MPP7: variants seen among roughly 807,000 people sequenced by gnomAD.
MPP7 encodes the protein MAGUK p55 scaffold protein 7.
A neutral mutation model predicts 76.5 loss-of-function variants in MPP7; 60 were observed. The ratio of observed to expected loss-of-function variants is 0.78; its 90% CI spans 0.64 to 0.97. The LOEUF (loss-of-function observed/expected upper bound fraction) is 0.97, where lower values mean the gene tolerates loss of function less well. Ranked by LOEUF, MPP7 falls within the 50% of genes least tolerant of loss-of-function variation. The pLI is 0.00. For synonymous variants in MPP7, 237 were observed against 244.5 expected, an observed-to-expected ratio of 0.97 and a Z score of 0.29; for missense variants, 641 against 694.0, an observed-to-expected ratio of 0.92 and a Z score of 0.86.
chr10:28,275,322 C>T (rs1004423095), intron 1 of MPP7, among the ~76,000 whole-genome samples: 4 of 152,104 alleles, frequency 2.6e-5, no homozygotes, highest in African/African-American at 7.2e-5. Context: ...ATGCCCAAGG[C>T]AGAAATCTTA....
At chr10:28,286,197 T>A (rs1260028223) in intron 1 of MPP7, among the ~76,000 whole-genome samples, 1 of 151,744 alleles carries the variant, frequency 6.6e-6, no homozygotes, top group Non-Finnish European at 1.5e-5. Flanking sequence ...ACAGAAAAAA[T>A]TAGCCAGGCA....
chr10:28,087,394 T>G (rs1331331717), intron 12 of MPP7, among the ~76,000 whole-genome samples: 1 of 152,130 alleles, frequency 6.6e-6, no homozygotes, highest in Non-Finnish European at 1.5e-5. Flanking sequence ...TGCCTTTTTT[T>G]TTCTTTCTTT....
At position 28,157,280 on chromosome 10, in the gene MPP7, C is replaced by G. The variant is rs1277685441; in HGVS notation, c.157-7221G>C. ...CGTCAGAGTCACTTCAAAGACGATA[C>G]AGGGCTAGCTATCACTGTTGTCAGC... is the stretch of plus-strand genomic sequence containing the variant. On this transcript the variant is annotated intron_variant, in intron 3 of 16. Transcript: ENST00000683449. Among the ~76,000 whole-genome samples the G allele has an allele frequency of 1.3e-5, 2 of 152,070 alleles. 1 individual carries two copies.
chr10:28,149,345 G>T (rs1238235947), intron 4 of MPP7, among the ~76,000 whole-genome samples: 1 of 152,096 alleles, frequency 6.6e-6, no homozygotes, highest in Non-Finnish European at 1.5e-5. Context: ...CAATTCATCC[G>T]AGTCCGAAAG....
In MPP7 at chr10:28,089,787, GATTT is replaced by G. The variant is rs771392879; in HGVS notation, c.1003_1006del (p.Lys335ProfsTer22). On this transcript the variant is annotated frameshift_variant, in exon 12 of 17. Coordinates refer to ENST00000683449, the MANE Select transcript of MPP7 (RefSeq NM_001318170.2). LOFTEE classifies it high-confidence loss of function. ...ATCACTCTTCTTGCATTCATACATG[GATTT>G]ATTTGTTTTCTTATCTTTTCTACTA... 106 of 1,599,280 alleles carry G rather than the reference GATTT, an allele frequency of 6.6e-5. No homozygotes were observed. The highest frequency in any genetic ancestry group is 7.4e-5 in the Non-Finnish European group (87 of 1,168,002).
intron 1 of MPP7, among the ~76,000 whole-genome samples, chr10:28,273,240 A>C (rs1190750393): frequency 6.6e-6 from 1 of 152,192 alleles, no homozygotes; most frequent in Non-Finnish European, 1.5e-5. Context: ...TTTAAACCAT[A>C]AACAGTATTA....
At chr10:28,089,235 T>C (rs770676485) in intron 12 of MPP7, among the ~76,000 whole-genome samples, 34 of 152,130 alleles carry the variant, frequency 2.2e-4, no homozygotes, top group Non-Finnish European at 4.3e-4. Flanking sequence ...TAAAGCGACT[T>C]TGCTGACTCT....
At chr10:28,328,945 T>C (rs1834445834) in intron 2 of MPP7, among the ~76,000 whole-genome samples, 1 of 152,234 alleles carries the variant, frequency 6.6e-6, no homozygotes, top group African/African-American at 2.4e-5. Context: ...GTTTTACCAT[T>C]GTTGTATATT....
chr10:28,314,869 C>T (rs937867909), intron 2 of MPP7, among the ~76,000 whole-genome samples: 11 of 152,016 alleles, frequency 7.2e-5, no homozygotes, highest in African/African-American at 2.4e-4. Context: ...GAAAAAAGGC[C>T]GGACACAGTG....
chr10:28,271,717 T>G (rs555610570), intron 1 of MPP7, among the ~76,000 whole-genome samples: 15 of 152,330 alleles, frequency 9.8e-5, no homozygotes, highest in African/African-American at 3.6e-4. Flanking sequence ...GGCTCACGCC[T>G]GTAATCCCAG....
intron 5 of MPP7, among the ~76,000 whole-genome samples, chr10:28,140,028 A>T (rs568349546): frequency 6.6e-6 from 1 of 152,218 alleles, no homozygotes; most frequent in Non-Finnish European, 1.5e-5. Flanking sequence ...AATTTAAATA[A>T]GTCAGGATAT....
intron 3 of MPP7, among the ~76,000 whole-genome samples, chr10:28,168,887 T>C (rs1321900842): frequency 6.6e-6 from 1 of 152,232 alleles, no homozygotes; most frequent in Admixed American, 6.5e-5. Flanking sequence ...CCATCTAAAA[T>C]TGATTTTGGT....
At chr10:28,210,898 G>T (rs1838110698) in intron 2 of MPP7, among the ~76,000 whole-genome samples, 1 of 152,168 alleles carries the variant, frequency 6.6e-6, no homozygotes, top group Non-Finnish European at 1.5e-5. Context: ...TTTATTTGAT[G>T]GGATTTAAAT....
At chr10:28,084,940 T>A (rs1588743561) in intron 12 of MPP7, among the ~76,000 whole-genome samples, 1 of 152,216 alleles carries the variant, frequency 6.6e-6, no homozygotes, top group East Asian at 1.9e-4. Context: ...TGAACTGACC[T>A]AGGGAGACCT....
At chr10:28,295,461 A>C (rs1426879070) in intron 1 of MPP7, among the ~76,000 whole-genome samples, 1 of 152,230 alleles carries the variant, frequency 6.6e-6, no homozygotes, top group Non-Finnish European at 1.5e-5. Flanking sequence ...ATATCAGCAG[A>C]AGCTTGATAA....
intron 2 of MPP7, among the ~76,000 whole-genome samples, chr10:28,316,038 T>C (rs1834316516): frequency 6.6e-6 from 1 of 152,160 alleles, no homozygotes; most frequent in South Asian, 2.1e-4. Flanking sequence ...AAGTCTGAGA[T>C]GGACATAGCT....
chr10:28,223,449 C>A (rs937520795), intron 2 of MPP7, among the ~76,000 whole-genome samples: 2 of 152,190 alleles, frequency 1.3e-5, no homozygotes, highest in African/African-American at 4.8e-5. Context: ...CTCAAATTTG[C>A]AGCATGATTA....
chr10:28,308,179 A>G (rs1841269998), intron 2 of MPP7, among the ~76,000 whole-genome samples: 1 of 152,190 alleles, frequency 6.6e-6, no homozygotes, highest in Admixed American at 6.5e-5. Context: ...TCTCTTAACA[A>G]ACAGCTGTTA....
At chr10:28,206,022 A>G (rs1384240941) in intron 2 of MPP7, among the ~76,000 whole-genome samples, 22 of 152,170 alleles carry the variant, frequency 1.4e-4, no homozygotes, top group Non-Finnish European at 2.2e-4. Context: ...GGCCCTCATC[A>G]GATTCTGGTT....
Sources: gnomAD v4.1 joint callset for allele counts (sites outside exome capture counted in the v4.1 genomes callset) on GRCh38, gnomAD v4.1.1 for gene constraint, MANE v1.5 for transcripts, NCBI Gene and HGNC (gene_info 2026-07-23, HGNC 2026-07-21) for gene names.